Variants in HS3ST4 observed in about 807,000 individuals in gnomAD.
The protein encoded by HS3ST4 is heparan sulfate glucosamine 3-O-sulfotransferase 4.
HS3ST4 carries 17 observed loss-of-function variants against 29.2 expected under a neutral mutation model. That is an observed-to-expected ratio of 0.58 (90% CI 0.40 to 0.87). The LOEUF (loss-of-function observed/expected upper bound fraction) is 0.87. HS3ST4 is among the 40% of genes least tolerant of loss of function. The pLI is 0.00. For synonymous variants in HS3ST4, 314 were observed against 285.7 expected (o/e 1.10, Z -1.00); for missense variants, 627 against 634.5 (o/e 0.99, Z 0.13).
intron 1 of HS3ST4, among the ~76,000 whole-genome samples, chr16:25,979,986 C>T (rs1230095867): frequency 6.6e-6 from 1 of 152,222 alleles, no homozygotes; most frequent in Non-Finnish European, 1.5e-5. Flanking sequence ...TTCATTGCAA[C>T]CACTTCGGAT....
At chr16:25,779,877 G>A (rs1966851100) in intron 1 of HS3ST4, among the ~76,000 whole-genome samples, 1 of 152,198 alleles carries the variant, frequency 6.6e-6, no homozygotes, top group Admixed American at 6.5e-5. Context: ...GCGCCTCTGT[G>A]CCAGAGCTGG....
chr16:25,917,597 T>TG (rs1392984120), intron 1 of HS3ST4, among the ~76,000 whole-genome samples: 2 of 152,208 alleles, frequency 1.3e-5, no homozygotes, highest in African/African-American at 4.8e-5. Context: ...TGTTTTTCTA[T>TG]TGTATGTGTG....
intron 1 of HS3ST4, among the ~76,000 whole-genome samples, chr16:25,813,184 G>T (rs1967059127): frequency 6.6e-6 from 1 of 152,174 alleles, no homozygotes; most frequent in Admixed American, 6.5e-5. Context: ...ATAAGTGGAT[G>T]AAAAGATGTT....
intron 1 of HS3ST4, among the ~76,000 whole-genome samples, chr16:25,790,913 T>C (rs886647539): frequency 6.6e-6 from 1 of 152,210 alleles, no homozygotes; most frequent in Non-Finnish European, 1.5e-5. Context: ...GCCTAGTTAA[T>C]CAATATCTTT....
chr16:25,711,488 G>A (rs1027243386), intron 1 of HS3ST4, among the ~76,000 whole-genome samples: 1 of 152,160 alleles, frequency 6.6e-6, no homozygotes, highest in African/African-American at 2.4e-5. Flanking sequence ...CTGCCTTGGT[G>A]GTGTGGTGGC....
chr16:26,019,421 A>G (rs1969390522), intron 1 of HS3ST4, among the ~76,000 whole-genome samples: 1 of 151,934 alleles, frequency 6.6e-6, no homozygotes, highest in African/African-American at 2.4e-5. Flanking sequence ...TACATCCGTA[A>G]TTGAATGGTT....
chr16:25,720,183 T>G (rs961145726), intron 1 of HS3ST4, among the ~76,000 whole-genome samples: 27 of 152,202 alleles, frequency 1.8e-4, no homozygotes, highest in African/African-American at 6.5e-4. Context: ...TGTGGAAATC[T>G]GGAAGAAGGA....
intron 1 of HS3ST4, among the ~76,000 whole-genome samples, chr16:25,797,772 T>TAGAA (rs1966895718): frequency 6.6e-6 from 1 of 152,184 alleles, no homozygotes; most frequent in Admixed American, 6.5e-5. Context: ...GGATAACAGT[T>TAGAA]AGAATCCTGG....
chr16:25,839,382 T>A (rs1049833786), intron 1 of HS3ST4, among the ~76,000 whole-genome samples: 1 of 152,238 alleles, frequency 6.6e-6, no homozygotes, highest in African/African-American at 2.4e-5. Context: ...AGAGATAACA[T>A]GTGAAATCAC....
intron 1 of HS3ST4, among the ~76,000 whole-genome samples, chr16:25,796,878 TC>T (rs1966889052): frequency 6.6e-6 from 1 of 152,176 alleles, no homozygotes; most frequent in African/African-American, 2.4e-5. Context: ...GGTGGGAACT[TC>T]CGGGCGTTGC....
rs559043169 is a variant in HS3ST4, at chr16:25,882,402, A to G, written c.734+189251A>G. ...TGAAATTTCCTTTCGGTTCCAGGAG[A>G]GGAAATGAGTTGGAAGGCAGGGGAG... On this transcript the variant is annotated intron_variant, in intron 1 of 1. Transcript: ENST00000331351. Among the ~76,000 whole-genome samples, 3 of 152,184 alleles carry G rather than the reference A, an allele frequency of 2.0e-5. No homozygotes were observed. In the East Asian group the frequency reaches 5.8e-4, roughly 29 times the overall value.
chr16:25,715,568 A>T (rs1467436385), intron 1 of HS3ST4, among the ~76,000 whole-genome samples: 2 of 152,248 alleles, frequency 1.3e-5, no homozygotes, highest in Non-Finnish European at 2.9e-5. Context: ...ATGAAAGGGA[A>T]AAAAAGCAAA....
At chr16:25,926,458 A>T (rs1291408295) in intron 1 of HS3ST4, among the ~76,000 whole-genome samples, 4 of 152,240 alleles carry the variant, frequency 2.6e-5, no homozygotes, top group Non-Finnish European at 5.9e-5. Context: ...GGCAGACCAG[A>T]ACAGTCTGTG....
intron 1 of HS3ST4, among the ~76,000 whole-genome samples, chr16:25,818,009 C>G (rs1488507020): frequency 6.6e-6 from 1 of 152,194 alleles, no homozygotes; most frequent in Non-Finnish European, 1.5e-5. Context: ...TGTCTTGACA[C>G]CACTGTCTCG....
At chr16:25,914,894 G>A (rs1454864004) in intron 1 of HS3ST4, among the ~76,000 whole-genome samples, 3 of 151,840 alleles carry the variant, frequency 2.0e-5, no homozygotes, top group African/African-American at 7.3e-5. Flanking sequence ...TAGGCTGAGA[G>A]TAATTTGCTT....
At chr16:26,005,364 G>T (rs759594790) in intron 1 of HS3ST4, among the ~76,000 whole-genome samples, 1 of 152,244 alleles carries the variant, frequency 6.6e-6, no homozygotes, top group South Asian at 2.1e-4. Flanking sequence ...TGTATTTAGC[G>T]CTGGGCTTTA....
intron 1 of HS3ST4, among the ~76,000 whole-genome samples, chr16:25,827,506 G>A (rs1967231365): frequency 7.3e-6 from 1 of 136,646 alleles, no homozygotes; most frequent in Non-Finnish European, 1.5e-5. Context: ...AATTGTCAAT[G>A]TAATAAACAG....
At chr16:26,033,860 A>C (rs539411116) in intron 1 of HS3ST4, among the ~76,000 whole-genome samples, 2 of 152,342 alleles carry the variant, frequency 1.3e-5, no homozygotes, top group African/African-American at 4.8e-5. Context: ...CAAGAGACTC[A>C]TCTGAGCCTC....
rs1452464597 is a variant in HS3ST4, at chr16:25,693,046, C to A, written c.629C>A (p.Thr210Asn). ...ATCATCGGGGTCAAGAAAGGAGGGA[C>A]CCGCGCGCTGCTGGAGGCGATCCGC... ...ALIIGVKKGGTRALLEAIRVH... is the reference protein window; with the variant it reads ...ALIIGVKKGGNRALLEAIRVH... Residue 210 changes from threonine (T) to asparagine (N), a missense_variant, in exon 1 of 2, where the codon ACC becomes AAC. Coordinates refer to ENST00000331351, the MANE Select transcript of HS3ST4 (RefSeq NM_006040.3). 6.2e-7 allele frequency: 1 copy of A among 1,610,910 alleles called. No individual in the cohort carries two copies. The highest frequency in any genetic ancestry group is 8.5e-7 in the Non-Finnish European group (1 of 1,178,968).
Sources: allele counts gnomAD v4.1 joint callset (sites outside exome capture counted in the v4.1 genomes callset), GRCh38; gene constraint gnomAD v4.1.1; transcripts MANE v1.5; gene names NCBI Gene and HGNC (gene_info 2026-07-23, HGNC 2026-07-21).